Variants in GRIK4 observed in about 807,000 individuals in gnomAD.
GRIK4 encodes glutamate ionotropic receptor kainate type subunit 4, also known as glutamate receptor ionotropic, kainate 4.
Under a neutral mutation model 104.9 loss-of-function variants are expected in GRIK4, and 40 were observed. That is an observed-to-expected ratio of 0.38 (90% confidence interval 0.30 to 0.50). The LOEUF is 0.50. Among genes scored for constraint, GRIK4 ranks in the 20% least tolerant of loss-of-function variants. The probability of loss-of-function intolerance (pLI) is 0.93; values close to 1 mark genes in which losing one functional copy is unlikely to be tolerated. For missense variants in GRIK4, 1,047 were observed against 1,308.1 expected, an observed-to-expected ratio of 0.80 and a Z score of 3.08; for synonymous variants, 485 against 524.9, an observed-to-expected ratio of 0.92 and a Z score of 1.04.
intron 1 of GRIK4, among the ~76,000 whole-genome samples, chr11:120,580,320 C>T (rs1436352275): frequency 6.6e-6 from 1 of 150,944 alleles, no homozygotes; most frequent in African/African-American, 2.5e-5. Context: ...CTGTCACCCA[C>T]ACTGGAGTGC....
Position 120,794,159 on chromosome 11 carries a change from T to C in GRIK4, c.83-8534T>C, listed in dbSNP as rs1377766094. ...GAAGTTGTTAGGGCTGAGAGCCGGG[T>C]GATGGTTACAGGTGAGGGAAGTTGT... On this transcript the variant is annotated intron_variant, in intron 3 of 20. Transcript: ENST00000527524. Among the ~76,000 whole-genome samples, 264 of 134,656 alleles carry C rather than the reference T, an allele frequency of 2.0e-3. 9 individuals are homozygous for C. Among genetic ancestry groups the C allele is most frequent in the African/African-American group, 5.6e-3 (182 of 32,784 alleles). 88.3% of individuals were successfully genotyped at this position (134,656 alleles called of 152,430 possible).
chr11:120,965,026 A>C (rs930595618), intron 18 of GRIK4, among the ~76,000 whole-genome samples: 5 of 152,224 alleles, frequency 3.3e-5, no homozygotes, highest in Non-Finnish European at 4.4e-5. Context: ...AACATTACAC[A>C]GTTCATTGAT....
rs750126115 is a variant in GRIK4, at chr11:120,832,058, C to A, written c.690+28C>A. 45 of 1,526,984 alleles carry A rather than the reference C, an allele frequency of 2.9e-5. 1 individual carries two copies. The South Asian group carries it at 3.1e-4, about 11-fold the overall frequency. 94.6% of individuals were successfully genotyped at this position (1,526,984 alleles called of 1,614,324 possible). ...GGGAGCCTCCCTCTCTCCCCCACCCCCTGCTGAGCTCCACCCTCCCCCCTC... is the reference window on the plus strand; with the variant it reads ...GGGAGCCTCCCTCTCTCCCCCACCCACTGCTGAGCTCCACCCTCCCCCCTC... On this transcript the variant is annotated intron_variant, in intron 7 of 20. Transcript: ENST00000527524.
At chr11:120,602,371 G>A (rs532447900) in intron 1 of GRIK4, among the ~76,000 whole-genome samples, 2 of 152,196 alleles carry the variant, frequency 1.3e-5, no homozygotes, top group Admixed American at 6.5e-5. Context: ...CTCCCCAGGG[G>A]ACTGTTCAGG....
intron 1 of GRIK4, among the ~76,000 whole-genome samples, chr11:120,567,613 C>A (rs1948347097): frequency 6.6e-6 from 1 of 152,196 alleles, no homozygotes; most frequent in African/African-American, 2.4e-5. Flanking sequence ...TGCTGGGACT[C>A]CAGAGGGAGA....
intron 3 of GRIK4, among the ~76,000 whole-genome samples, chr11:120,715,379 T>C (rs1293828653): frequency 6.6e-6 from 1 of 152,146 alleles, no homozygotes; most frequent in East Asian, 1.9e-4. Flanking sequence ...CGGAAAGCGG[T>C]GGGTCGTGTC....
intron 1 of GRIK4, among the ~76,000 whole-genome samples, chr11:120,605,899 G>A (rs1466244740): frequency 5.9e-5 from 9 of 152,324 alleles, no homozygotes; most frequent in Non-Finnish European, 8.8e-5. Context: ...GAGGCTGGTG[G>A]GCAGCAGGGA....
intron 3 of GRIK4, among the ~76,000 whole-genome samples, chr11:120,717,362 G>A (rs957272097): frequency 6.6e-6 from 1 of 152,132 alleles, no homozygotes; most frequent in Admixed American, 6.5e-5. Context: ...AGATGTTACT[G>A]CCCCCTGGGG....
At chr11:120,630,043 C>T (rs574429050) in intron 1 of GRIK4, among the ~76,000 whole-genome samples, 2 of 152,340 alleles carry the variant, frequency 1.3e-5, no homozygotes, top group Middle Eastern at 3.4e-3. Flanking sequence ...GGACACCACT[C>T]AGGAGGCGTC....
intron 7 of GRIK4, 62 bp downstream of exon 7, chr11:120,832,092 GA>G (rs1953446600): frequency 2.5e-6 from 3 of 1,221,602 alleles, no homozygotes; most frequent in Non-Finnish European, 3.5e-6. Flanking sequence ...TCCTTGCCTT[GA>G]GGGTCCTCCT....
intron 13 of GRIK4, among the ~76,000 whole-genome samples, chr11:120,922,050 C>T (rs1334739311): frequency 6.6e-6 from 1 of 152,202 alleles, no homozygotes; most frequent in East Asian, 1.9e-4. Flanking sequence ...CTCACCCAGA[C>T]TCCCAACACT....
chr11:120,671,403 C>T (rs537049638), intron 3 of GRIK4, among the ~76,000 whole-genome samples: 5 of 152,274 alleles, frequency 3.3e-5, no homozygotes, highest in South Asian at 2.1e-4. Context: ...TTCTAACTGG[C>T]GTGAGATGAT....
chr11:120,907,165 G>C (rs895439584), intron 13 of GRIK4, among the ~76,000 whole-genome samples: 1 of 152,204 alleles, frequency 6.6e-6, no homozygotes, highest in Admixed American at 6.5e-5. Context: ...CACTGTGAAG[G>C]TGCAGCTCAG....
chr11:120,875,775 T>C (rs1402104429), intron 11 of GRIK4, among the ~76,000 whole-genome samples: 2 of 152,160 alleles, frequency 1.3e-5, no homozygotes, highest in African/African-American at 4.8e-5. Flanking sequence ...CATAGTTCCT[T>C]TCAGCTCCCC....
At chr11:120,530,041 C>G (rs1048685268) in intron 1 of GRIK4, among the ~76,000 whole-genome samples, 2 of 152,174 alleles carry the variant, frequency 1.3e-5, no homozygotes, top group Admixed American at 1.3e-4. Context: ...AAGGGTGCCC[C>G]AAGTGTGAGT....
At chr11:120,722,042 G>C (rs1950941494) in intron 3 of GRIK4, among the ~76,000 whole-genome samples, 2 of 152,282 alleles carry the variant, frequency 1.3e-5, no homozygotes, top group South Asian at 2.1e-4. Context: ...ACTTGAGGTA[G>C]TTTACACAGC....
rs1944155715 is a variant in GRIK4 at position 120,956,546 on chromosome 11, T to A, written c.1701-234T>A. On this transcript the variant is annotated intron_variant, in intron 15 of 20. Transcript: ENST00000527524. The surrounding 1 kb of genome is among the most constrained non-coding windows in gnomAD (Gnocchi z 4.6). ...TTTGGAGTTCCACATCAGAATTTAT[T>A]GGGGGTAAAAATGTCTCTTTGATTA... is the stretch of plus-strand genomic sequence containing the variant. 1.3e-5 allele frequency among the ~76,000 whole-genome samples: 2 copies of A among 152,134 alleles called. No individual in the cohort carries two copies. The highest frequency in any genetic ancestry group is 1.3e-4 in the Admixed American group (2 of 15,286).
intron 19 of GRIK4, among the ~76,000 whole-genome samples, chr11:120,968,256 C>G (rs1399743234): frequency 6.6e-6 from 1 of 152,172 alleles, no homozygotes. Flanking sequence ...ATGGTATAGT[C>G]TTGTTTCTAT....
At chr11:120,838,006 C>T (rs559846211) in intron 8 of GRIK4, among the ~76,000 whole-genome samples, 2 of 152,276 alleles carry the variant, frequency 1.3e-5, no homozygotes, top group East Asian at 3.9e-4. Context: ...GGTGATTTAG[C>T]AGATGGAAGG....
Sources: allele counts gnomAD v4.1 joint callset (sites outside exome capture counted in the v4.1 genomes callset), GRCh38; gene constraint gnomAD v4.1.1; non-coding constraint Gnocchi (gnomAD v3.1); transcripts MANE v1.5; gene names NCBI Gene and HGNC (gene_info 2026-07-23, HGNC 2026-07-21).